Variants in LCA5L observed in about 807,000 individuals in gnomAD.
LCA5L encodes the protein lebercilin LCA5 like.
A neutral mutation model predicts 45.4 loss-of-function variants in LCA5L; 35 were observed. That is an observed-to-expected ratio of 0.77 (90% confidence interval 0.59 to 1.02). The LOEUF is 1.02. Among genes scored for constraint, LCA5L ranks in the 50% least tolerant of loss-of-function variants. The pLI, the probability that LCA5L is intolerant of heterozygous loss-of-function variation, is 0.00. For synonymous variants in LCA5L, 233 were observed against 264.7 expected, an observed-to-expected ratio of 0.88 and a Z score of 1.16; for missense variants, 668 against 761.6, an observed-to-expected ratio of 0.88 and a Z score of 1.45.
rs144451091 is a variant in LCA5L at position 39,442,875 on chromosome 21, CTG to C, written c.-246+1258_-246+1259del. ...GAACTTAAAAGCTGTGCGTGTGAAT[CTG>C]TGCCTTGTGCTAGATGAAGGGGCGC... is the stretch of plus-strand genomic sequence containing the variant. On this transcript the variant is annotated intron_variant, in intron 2 of 10. Transcript: ENST00000288350. Among the ~76,000 whole-genome samples, 1,073 of 152,254 alleles carry C rather than the reference CTG, an allele frequency of 7.0e-3. 12 individuals are homozygous for C. The highest frequency in any genetic ancestry group is 0.025 in the African/African-American group (1,034 of 41,552).
At position 39,423,221 on chromosome 21, in the gene LCA5L, G is replaced by A; in HGVS notation, c.592C>T (p.Gln198Ter). Reference sequence around the variant, plus strand: ...TCATTCTGATGTTTAGCCATAATTTGAGGTAGATTATTTTGTGAATTCTCA... The same window carrying A: ...TCATTCTGATGTTTAGCCATAATTTAAGGTAGATTATTTTGTGAATTCTCA... ...KYENSQNNLP[Q>*]IMAKHQNEVK... Residue 198 changes from glutamine to a stop codon, truncating the protein, a stop_gained, in exon 6 of 11, where the codon CAA (glutamine) becomes TAA (stop). Transcript: ENST00000288350. LOFTEE classifies it high-confidence loss of function. 2 of 1,611,578 alleles carry A rather than the reference G, an allele frequency of 1.2e-6. No individual in the cohort carries two copies. The highest frequency in any genetic ancestry group is 2.2e-5 in the South Asian group (2 of 89,996).
chr21:39,429,003 G>GTTTC (rs2075352733), intron 4 of LCA5L, 128 bp downstream of exon 4: 1 of 152,034 alleles, frequency 6.6e-6, no homozygotes, highest in Non-Finnish European at 1.5e-5. Context: ...TGAAATACAA[G>GTTTC]AAAGACCCCA....
chr21:39,442,765 C>T (rs1330377669), intron 2 of LCA5L, among the ~76,000 whole-genome samples: 2 of 152,090 alleles, frequency 1.3e-5, no homozygotes, highest in South Asian at 2.1e-4. Flanking sequence ...TATTAAGAAA[C>T]ACTGTCACGC....
intron 3 of LCA5L, 83 bp downstream of exon 3, chr21:39,435,337 T>C (rs893621138): frequency 1.3e-5 from 2 of 152,200 alleles, no homozygotes; most frequent in Non-Finnish European, 2.9e-5. Flanking sequence ...AATACAACGG[T>C]CAGGTGTCTT....
chr21:39,410,983 A>G, intron 8 of LCA5L: 1 of 468,208 alleles, frequency 2.1e-6, no homozygotes. Flanking sequence ...TTGCTGGGAG[A>G]TTTTGGGGGG....
intron 3 of LCA5L, among the ~76,000 whole-genome samples, chr21:39,432,607 T>C (rs2075851463): frequency 1.3e-5 from 2 of 152,280 alleles, no homozygotes; most frequent in East Asian, 1.9e-4. Flanking sequence ...ATCAAGACAG[T>C]GAACACAACC....
intron 7 of LCA5L, among the ~76,000 whole-genome samples, chr21:39,417,811 G>A (rs368848563): frequency 1.3e-5 from 2 of 152,070 alleles, no homozygotes; most frequent in East Asian, 1.9e-4. Context: ...TGTCGCCCAG[G>A]CTGGAGTGCG....
Position 39,409,344 on chromosome 21 carries a change from C to G in LCA5L, c.1282+635G>C, listed in dbSNP as rs376239843. ...AATAAGTGTTGTTTAAACCGGCAGT[C>G]TGTGGTATTTTCTTATGGCAGCCCA... is the stretch of plus-strand genomic sequence containing the variant. On this transcript the variant is annotated intron_variant, in intron 10 of 10. Transcript: ENST00000288350. This position sits in a 1 kb window ranked among gnomAD's most constrained non-coding sequence, Gnocchi z 4.2. Among the ~76,000 whole-genome samples, 86 of 152,180 alleles carry G rather than the reference C, an allele frequency of 5.7e-4. No homozygotes were observed. The highest frequency in any genetic ancestry group is 2.0e-3 in the African/African-American group (84 of 41,528).
intron 3 of LCA5L, among the ~76,000 whole-genome samples, chr21:39,429,812 G>A (rs1055086044): frequency 2.0e-5 from 3 of 152,162 alleles, no homozygotes; most frequent in Non-Finnish European, 4.4e-5. Flanking sequence ...GAGCTCAGAA[G>A]TTTAGGACCA....
chr21:39,419,523 C>A (rs201923803), intron 7 of LCA5L, among the ~76,000 whole-genome samples: 211 of 123,382 alleles, frequency 1.7e-3, no homozygotes, highest in Admixed American at 2.1e-3. Context: ...AGACCCTGTT[C>A]AAAAAAAAAA....
Position 39,409,591 on chromosome 21 carries a change from T to A in LCA5L, c.1282+388A>T, listed in dbSNP as rs560350832. Among the ~76,000 whole-genome samples, 2 of 152,024 alleles carry A rather than the reference T, an allele frequency of 1.3e-5. No individual in the cohort carries two copies. The highest frequency in any genetic ancestry group is 1.9e-4 in the East Asian group (1 of 5,170). On this transcript the variant is annotated intron_variant, in intron 10 of 10. Transcript: ENST00000288350. This position sits in a 1 kb window ranked among gnomAD's most constrained non-coding sequence, Gnocchi z 4.2. The stretch of plus-strand genomic sequence containing the variant: ...CATTATAATTCTGGAAACGGTTTTA[T>A]GTTTTTTTTTTAATTTTTTGAGACA...
intron 2 of LCA5L, among the ~76,000 whole-genome samples, chr21:39,439,980 T>C (rs1000441317): frequency 2.6e-5 from 4 of 152,240 alleles, no homozygotes; most frequent in Non-Finnish European, 1.5e-5. Flanking sequence ...TGAGAAATGC[T>C]AGGTTCAAAT....
chr21:39,444,238 TG>T (rs1341647322), intron 1 of LCA5L, 37 bp from the exon 2 acceptor site: 7 of 152,232 alleles, frequency 4.6e-5, no homozygotes, highest in African/African-American at 1.7e-4. Flanking sequence ...AACTCCTACA[TG>T]ATTCCTGTCT....
In LCA5L at chr21:39,416,639, T is replaced by G. The variant is rs548611949; in HGVS notation, c.975+4067A>C. ...CAAAATCAGGACTATAGGATTTTTA[T>G]TTGACTCTATCTTACTTCTGTATTT... On this transcript the variant is annotated intron_variant, in intron 7 of 10. Transcript: ENST00000288350. Among the ~76,000 whole-genome samples, 5 of 151,136 alleles carry G rather than the reference T, an allele frequency of 3.3e-5. No individual in the cohort carries two copies. The South Asian group carries it at 8.4e-4, about 25-fold the overall frequency.
At chr21:39,432,033 C>G (rs2075787092) in intron 3 of LCA5L, among the ~76,000 whole-genome samples, 1 of 152,152 alleles carries the variant, frequency 6.6e-6, no homozygotes, top group Non-Finnish European at 1.5e-5. Flanking sequence ...TAATTTCAAT[C>G]CATATCCTAA....
At chr21:39,413,081 C>T (rs1233952547) in intron 7 of LCA5L, among the ~76,000 whole-genome samples, 8 of 152,166 alleles carry the variant, frequency 5.3e-5, no homozygotes, top group Admixed American at 4.6e-4. Flanking sequence ...ATTTATTTGA[C>T]CAGACTGAGA....
At chr21:39,428,114 G>T in intron 5 of LCA5L, 58 bp downstream of exon 5, 1 of 1,008,620 alleles carries the variant, frequency 9.9e-7, no homozygotes, top group Non-Finnish European at 1.5e-6. Flanking sequence ...CACTAGTGCA[G>T]TAAAATAACA....
rs78388008 is a variant in LCA5L at position 39,432,877 on chromosome 21, G to C, written c.-92+2543C>G. ...TCATTTGTTTTGTTTTTAAGTTGCTGAGTAGTTTCCAATTGTATGTATAAA... is the reference window on the plus strand; with the variant it reads ...TCATTTGTTTTGTTTTTAAGTTGCTCAGTAGTTTCCAATTGTATGTATAAA... On this transcript the variant is annotated intron_variant, in intron 3 of 10. Transcript: ENST00000288350. Among the ~76,000 whole-genome samples, 628 of 152,228 alleles carry C rather than the reference G, an allele frequency of 4.1e-3. 8 individuals are homozygous for C. Among genetic ancestry groups the C allele is most frequent in the African/African-American group, 0.014 (588 of 41,538 alleles).
Position 39,406,391 on chromosome 21 carries a change from C to T in LCA5L, c.1504G>A (p.Val502Met), listed in dbSNP as rs754015506. ...KFKRSMQRNG[V>M]DDTLGKGTAP... ...GTGCCTTTGCCAAGTGTGTCATCCACACCATTTCTCTGCATGCTTCTTTTA... is the reference window on the plus strand; with the variant it reads ...GTGCCTTTGCCAAGTGTGTCATCCATACCATTTCTCTGCATGCTTCTTTTA... The change falls in exon 11 of 11, where the codon GTG (valine) becomes ATG (methionine). Residue 502 changes from valine to methionine, a missense_variant. Physicochemically the swap from Val to Met is conservative, Grantham distance 21 (BLOSUM62 1). Transcript: ENST00000288350. 4 of 1,613,808 alleles carry T rather than the reference C, an allele frequency of 2.5e-6. No homozygotes were observed. Among genetic ancestry groups the T allele is most frequent in the Non-Finnish European group, 3.4e-6 (4 of 1,179,978 alleles).
Sources: gnomAD v4.1 joint callset for allele counts (sites outside exome capture counted in the v4.1 genomes callset) on GRCh38, gnomAD v4.1.1 for gene constraint, Gnocchi (gnomAD v3.1) non-coding constraint, MANE v1.5 for transcripts, NCBI Gene and HGNC (gene_info 2026-07-23, HGNC 2026-07-21) for gene names.